The following ASIC2 variants were observed in gnomAD, a reference collection of about 807,000 sequenced individuals.
ASIC2 encodes acid-sensing ion channel 2.
In ASIC2, 25 loss-of-function variants were observed where a neutral mutation model predicts 57.3. The ratio of observed to expected loss-of-function variants is 0.44; its 90% CI spans 0.32 to 0.61. The LOEUF (loss-of-function observed/expected upper bound fraction) is 0.61. Among genes scored for constraint, ASIC2 ranks in the 20% least tolerant of loss-of-function variants. ASIC2 has a pLI of 0.06. For synonymous variants in ASIC2, 319 were observed against 307.5 expected (o/e 1.04, Z -0.39); for missense variants, 641 against 738.1 (o/e 0.87, Z 1.52).
rs2091866607 is a variant in ASIC2 at position 33,028,155 on chromosome 17, G to A, written c.1138+87C>T. ...ATCCTTTTGGATCCCAGCGAAGTGG[G>A]TGAAGTGTTTCCCATTAGGATGAGA... is the stretch of plus-strand genomic sequence containing the variant. On this transcript the variant is annotated intron_variant, in intron 4 of 9. Coordinates refer to ENST00000225823, the MANE Select transcript of ASIC2 (RefSeq NM_183377.2). The A allele has an allele frequency of 1.4e-5, 21 of 1,512,642 alleles. No homozygotes were observed. In the South Asian group the frequency reaches 2.4e-4, roughly 17 times the overall value. 93.7% of individuals were successfully genotyped at this position (1,512,642 alleles called of 1,614,324 possible).
chr17:33,639,780 C>T (rs962138324), intron 1 of ASIC2, among the ~76,000 whole-genome samples: 9 of 103,742 alleles, frequency 8.7e-5, no homozygotes, highest in Admixed American at 2.8e-4. Context: ...AAAAAAAAAG[C>T]GGAACAAAGC....
At chr17:33,587,751 T>C (rs55785344) in intron 1 of ASIC2, among the ~76,000 whole-genome samples, 13,064 of 152,264 alleles carry the variant, frequency 0.086, 740 homozygotes, top group South Asian at 0.17. Context: ...TGGTTGTGAT[T>C]AAGGACTGAA....
At chr17:33,430,533 G>A (rs561320274) in intron 1 of ASIC2, among the ~76,000 whole-genome samples, 1 of 152,258 alleles carries the variant, frequency 6.6e-6, no homozygotes, top group Admixed American at 6.5e-5. Flanking sequence ...CTAGATGTAG[G>A]GCTGGGAATA....
intron 1 of ASIC2, among the ~76,000 whole-genome samples, chr17:33,747,758 G>A (rs1223068671): frequency 1.3e-5 from 2 of 152,172 alleles, no homozygotes; most frequent in Non-Finnish European, 2.9e-5. Flanking sequence ...CAAGACAGAG[G>A]CAAAGCCTGG....
intron 1 of ASIC2, among the ~76,000 whole-genome samples, chr17:33,890,957 T>TCCAGAG (rs11283081): frequency 0.17 from 26,146 of 151,912 alleles, 2,396 homozygotes; most frequent in African/African-American, 0.24. Context: ...ACTGTGTGAG[T>TCCAGAG]CCAGAGCCAG....
chr17:33,145,473 G>A (rs1220446926), intron 1 of ASIC2, among the ~76,000 whole-genome samples: 1 of 152,190 alleles, frequency 6.6e-6, no homozygotes, highest in African/African-American at 2.4e-5. Context: ...TCCTTGCCCA[G>A]CCCTAGAGGG....
At chr17:33,412,199 G>T (rs1910687686) in intron 1 of ASIC2, among the ~76,000 whole-genome samples, 1 of 152,172 alleles carries the variant, frequency 6.6e-6, no homozygotes, top group Non-Finnish European at 1.5e-5. Context: ...AAGCTAAAAA[G>T]AAAGGAGAGA....
chr17:34,013,015 G>A (rs1329914773), intron 1 of ASIC2, among the ~76,000 whole-genome samples: 2 of 152,188 alleles, frequency 1.3e-5, no homozygotes, highest in Non-Finnish European at 1.5e-5. Context: ...AGCAGTGAGG[G>A]GGACAGCCTC....
intron 1 of ASIC2, among the ~76,000 whole-genome samples, chr17:33,210,244 A>G (rs1420878444): frequency 6.6e-6 from 1 of 152,208 alleles, no homozygotes; most frequent in African/African-American, 2.4e-5. Context: ...GAAAATGGGA[A>G]GCTTCTATGA....
chr17:33,833,220 A>G (rs186606253), intron 1 of ASIC2, among the ~76,000 whole-genome samples: 18 of 152,354 alleles, frequency 1.2e-4, no homozygotes, highest in Admixed American at 1.1e-3. Context: ...AATTACCTCC[A>G]TAAGATGATA....
chr17:33,141,418 G>T (rs918852496), intron 1 of ASIC2, among the ~76,000 whole-genome samples: 1 of 152,234 alleles, frequency 6.6e-6, no homozygotes, highest in Non-Finnish European at 1.5e-5. Flanking sequence ...ACTGGGGAGA[G>T]GAAGGAGGAG....
intron 1 of ASIC2, among the ~76,000 whole-genome samples, chr17:33,262,581 C>G (rs1909324461): frequency 6.6e-6 from 1 of 152,164 alleles, no homozygotes; most frequent in Non-Finnish European, 1.5e-5. Flanking sequence ...GGGCCCCAAG[C>G]ACTTTCCAAA....
chr17:33,878,775 C>T (rs537865719), intron 1 of ASIC2, among the ~76,000 whole-genome samples: 7 of 152,168 alleles, frequency 4.6e-5, no homozygotes, highest in East Asian at 1.9e-4. Flanking sequence ...AGATACTCCT[C>T]GAGAAGAGCA....
At chr17:34,109,059 T>C (rs1911173324) in intron 1 of ASIC2, among the ~76,000 whole-genome samples, 1 of 151,448 alleles carries the variant, frequency 6.6e-6, no homozygotes, top group South Asian at 2.1e-4. Flanking sequence ...ATTTTTATTT[T>C]ATTTTATTAT....
chr17:33,679,879 G>T (rs999883967), intron 1 of ASIC2, among the ~76,000 whole-genome samples: 7 of 152,148 alleles, frequency 4.6e-5, no homozygotes, highest in African/African-American at 1.7e-4. Context: ...GGCTGAAAAG[G>T]GAGAGGCAGG....
chr17:33,295,256 T>C (rs1301138319), upstream of ASIC2, among the ~76,000 whole-genome samples: 1 of 152,208 alleles, frequency 6.6e-6, no homozygotes, highest in Non-Finnish European at 1.5e-5. Flanking sequence ...GGTAGCTCTT[T>C]CAGGGAGAGG....
intron 1 of ASIC2, among the ~76,000 whole-genome samples, chr17:33,591,336 A>G (rs1904818457): frequency 6.6e-6 from 1 of 152,218 alleles, no homozygotes. Context: ...GTAGGGGTCC[A>G]GTTTCCCCTT....
At chr17:33,879,677 T>C (rs1485247293) in intron 1 of ASIC2, among the ~76,000 whole-genome samples, 3 of 152,126 alleles carry the variant, frequency 2.0e-5, no homozygotes, top group Non-Finnish European at 2.9e-5. Context: ...CACCCCAATG[T>C]CAACATTAGA....
chr17:33,776,608 C>T (rs1446194044), intron 1 of ASIC2, among the ~76,000 whole-genome samples: 1 of 152,202 alleles, frequency 6.6e-6, no homozygotes, highest in Non-Finnish European at 1.5e-5. Context: ...GTCACCCACA[C>T]CTGGCCCTCT....
Sources: allele counts gnomAD v4.1 joint callset (sites outside exome capture counted in the v4.1 genomes callset), GRCh38; gene constraint gnomAD v4.1.1; transcripts MANE v1.5; gene names NCBI Gene and HGNC (gene_info 2026-07-23, HGNC 2026-07-21).